PHACTR1: variants seen among roughly 807,000 people sequenced by gnomAD.
PHACTR1 encodes phosphatase and actin regulator 1.
PHACTR1 carries 16 observed loss-of-function variants against 69.2 expected under a neutral mutation model. That is an observed-to-expected ratio of 0.23 (90% CI 0.16 to 0.35). The LOEUF (loss-of-function observed/expected upper bound fraction) is 0.35, where lower values mean the gene tolerates loss of function less well. Ranked by LOEUF, PHACTR1 falls within the 10% of genes least tolerant of loss-of-function variation. The probability of loss-of-function intolerance (pLI) is 1.00; values close to 1 mark genes in which losing one functional copy is unlikely to be tolerated. For synonymous variants in PHACTR1, 312 were observed against 284.5 expected (o/e 1.10, Z -0.97); for missense variants, 510 against 734.7 (o/e 0.69, Z 3.54).
chr6:13,133,472 T>C (rs1031657165), intron 5 of PHACTR1, among the ~76,000 whole-genome samples: 6 of 151,944 alleles, frequency 3.9e-5, no homozygotes, highest in Non-Finnish European at 8.8e-5. Flanking sequence ...TTTCGTATTT[T>C]TTTTGGTGGA....
At chr6:12,950,712 A>G (rs1186326607) in intron 4 of PHACTR1, among the ~76,000 whole-genome samples, 1 of 152,212 alleles carries the variant, frequency 6.6e-6, no homozygotes, top group Non-Finnish European at 1.5e-5. Context: ...ATTCAGCTCC[A>G]GCTCTGCCCT....
At chr6:13,157,822 A>C (rs938935902) in intron 5 of PHACTR1, among the ~76,000 whole-genome samples, 6 of 152,000 alleles carry the variant, frequency 3.9e-5, no homozygotes, top group African/African-American at 1.5e-4. Context: ...CCCCTGCTTC[A>C]CCTTACCTGT....
chr6:13,176,799 T>C (rs1025014757), intron 6 of PHACTR1, among the ~76,000 whole-genome samples: 23 of 152,150 alleles, frequency 1.5e-4, no homozygotes, highest in Non-Finnish European at 3.1e-4. Context: ...ATAAAGCAAT[T>C]CTTCATAGTC....
intron 4 of PHACTR1, among the ~76,000 whole-genome samples, chr6:12,953,037 T>C (rs1791471567): frequency 6.6e-6 from 1 of 152,174 alleles, no homozygotes; most frequent in Non-Finnish European, 1.5e-5. Flanking sequence ...AGCTACAATA[T>C]TCTTGCCGGG....
At chr6:13,076,852 A>G (rs978746543) in intron 5 of PHACTR1, among the ~76,000 whole-genome samples, 1 of 149,764 alleles carries the variant, frequency 6.7e-6, no homozygotes, top group Non-Finnish European at 1.5e-5. Context: ...CCAAAAGAGC[A>G]GATTAGTTGG....
In PHACTR1 at chr6:13,007,941, G is replaced by T. The variant is rs9473206; in HGVS notation, c.251-45424G>T. Reference sequence around the variant, plus strand: ...AAGCATAATTATCACAAGCCTAGAAGTAAAACTACTTTCCATTCAAAGTTT... The same window carrying T: ...AAGCATAATTATCACAAGCCTAGAATTAAAACTACTTTCCATTCAAAGTTT... On this transcript the variant is annotated intron_variant, in intron 4 of 14. Transcript: ENST00000332995. Among the ~76,000 whole-genome samples, 1,138 of 152,092 alleles carry T rather than the reference G, an allele frequency of 7.5e-3. 12 individuals carry two copies. The highest frequency in any genetic ancestry group is 0.026 in the African/African-American group (1,077 of 41,484).
At chr6:12,869,658 C>A (rs1021184538) in intron 4 of PHACTR1, among the ~76,000 whole-genome samples, 2 of 152,190 alleles carry the variant, frequency 1.3e-5, no homozygotes, top group African/African-American at 4.8e-5. Flanking sequence ...TTGTTAATCA[C>A]GTTCACTCTG....
intron 3 of PHACTR1, among the ~76,000 whole-genome samples, chr6:12,734,238 G>A (rs1763946719): frequency 6.6e-6 from 1 of 152,178 alleles, no homozygotes; most frequent in East Asian, 1.9e-4. Context: ...TACATATAAG[G>A]AAACCAAAGC....
chr6:12,905,064 C>T (rs1482563586), intron 4 of PHACTR1, among the ~76,000 whole-genome samples: 1 of 152,170 alleles, frequency 6.6e-6, no homozygotes, highest in Admixed American at 6.5e-5. Flanking sequence ...CAACCCTGCA[C>T]TGAACGTCAA....
chr6:13,270,755 T>C (rs1214040182), intron 10 of PHACTR1, among the ~76,000 whole-genome samples: 1 of 150,270 alleles, frequency 6.7e-6, no homozygotes, highest in Non-Finnish European at 1.5e-5. Context: ...TTCTCTGACA[T>C]TGTATTAGGC....
intron 5 of PHACTR1, among the ~76,000 whole-genome samples, chr6:13,102,915 C>T (rs952884811): frequency 2.6e-5 from 4 of 152,158 alleles, no homozygotes; most frequent in African/African-American, 9.7e-5. Flanking sequence ...GCCAGCCAAC[C>T]TTGGTCCAAG....
chr6:13,272,902 G>A lies in PHACTR1; in HGVS notation c.1434G>A (p.Arg478=). The A allele has an allele frequency of 1.2e-6, 2 of 1,614,076 alleles. No individual in the cohort carries two copies. Among genetic ancestry groups the A allele is most frequent in the South Asian group, 1.1e-5 (1 of 91,078 alleles). ...CAACTGCAGAGGAACTGGAACAGAG[G>A]AACATTTTGAAACGTAAGTGACTAA... is the stretch of plus-strand genomic sequence containing the variant. ...QRPTAEELEQ[R]NILKPRNEQE... The change falls in exon 11 of 15, where the codon AGG becomes AGA. Residue 478 remains arginine, a synonymous_variant. Coordinates refer to ENST00000332995, the MANE Select transcript of PHACTR1 (RefSeq NM_030948.6).
intron 4 of PHACTR1, among the ~76,000 whole-genome samples, chr6:12,959,516 A>G (rs929992506): frequency 1.2e-4 from 18 of 152,234 alleles, no homozygotes; most frequent in Non-Finnish European, 2.5e-4. Context: ...ACAAATATTC[A>G]TAATATAAAA....
At chr6:13,281,112 CCT>C (rs1313826689) in intron 12 of PHACTR1, 5 of 1,289,350 alleles carry the variant, frequency 3.9e-6, no homozygotes, top group East Asian at 5.5e-5. Context: ...AGAAACAGCC[CCT>C]GACCTGCAGC....
intron 5 of PHACTR1, among the ~76,000 whole-genome samples, chr6:13,131,815 G>A (rs1407787099): frequency 1.3e-5 from 2 of 152,176 alleles, no homozygotes; most frequent in African/African-American, 4.8e-5. Context: ...TCAATCATTT[G>A]ACTGTACCTC....
chr6:13,010,461 G>A (rs533571804), intron 4 of PHACTR1, among the ~76,000 whole-genome samples: 1 of 152,290 alleles, frequency 6.6e-6, no homozygotes, highest in South Asian at 2.1e-4. Flanking sequence ...ATGAGATCAA[G>A]AGTCCTATCC....
intron 4 of PHACTR1, among the ~76,000 whole-genome samples, chr6:12,906,826 C>CAAAAGA (rs1785786671): frequency 6.6e-6 from 1 of 152,160 alleles, no homozygotes; most frequent in East Asian, 1.9e-4. Context: ...GTCACGTGTC[C>CAAAAGA]ACTCTGGATC....
At chr6:12,784,525 T>A (rs1311345268) in intron 4 of PHACTR1, among the ~76,000 whole-genome samples, 1 of 151,742 alleles carries the variant, frequency 6.6e-6, no homozygotes, top group Non-Finnish European at 1.5e-5. Flanking sequence ...GACACACATA[T>A]ACATGATATG....
rs138146794 is a variant in PHACTR1, at chr6:13,184,690, G to A, written c.664+2004G>A. 8.3e-3 allele frequency: 6,789 copies of A among 818,372 alleles called. 54 individuals carry two copies. Among genetic ancestry groups the A allele is most frequent in the Non-Finnish European group, 0.011 (5,963 of 544,054 alleles). 50.7% of individuals were successfully genotyped at this position (818,372 alleles called of 1,614,324 possible). On this transcript the variant is annotated intron_variant, in intron 7 of 14. Transcript: ENST00000332995. Reference sequence around the variant, plus strand: ...CACATGCGTGGCGGCCTGAAGCATCGGTGCTCCGCTGTGTTGCCAGCCCGA... The same window carrying A: ...CACATGCGTGGCGGCCTGAAGCATCAGTGCTCCGCTGTGTTGCCAGCCCGA...
Sources: allele counts gnomAD v4.1 joint callset (sites outside exome capture counted in the v4.1 genomes callset), GRCh38; gene constraint gnomAD v4.1.1; transcripts MANE v1.5; gene names NCBI Gene and HGNC (gene_info 2026-07-23, HGNC 2026-07-21).